The following ADCY2 variants were observed in gnomAD, a reference collection of about 807,000 sequenced individuals.
ADCY2 encodes adenylate cyclase type 2.
A neutral mutation model predicts 125.2 loss-of-function variants in ADCY2; 31 were observed. That is an observed-to-expected ratio of 0.25 (90% CI 0.19 to 0.33). The LOEUF (loss-of-function observed/expected upper bound fraction) is 0.33, where lower values mean the gene tolerates loss of function less well. Ranked by LOEUF, ADCY2 falls within the 10% of genes least tolerant of loss-of-function variation. The pLI, the probability that ADCY2 is intolerant of heterozygous loss-of-function variation, is 1.00. For synonymous variants in ADCY2, 512 were observed against 548.4 expected (o/e 0.93, Z 0.93); for missense variants, 904 against 1,418.2 (o/e 0.64, Z 5.82).
intron 3 of ADCY2, among the ~76,000 whole-genome samples, chr5:7,611,374 G>A (rs1737567446): frequency 6.6e-6 from 1 of 152,066 alleles, no homozygotes; most frequent in South Asian, 2.1e-4. Context: ...TTTTTACCTA[G>A]TGTGCCCACT....
chr5:7,663,361 G>A (rs1284161343), intron 4 of ADCY2, among the ~76,000 whole-genome samples: 1 of 152,252 alleles, frequency 6.6e-6, no homozygotes, highest in South Asian at 2.1e-4. Context: ...CACGCCTAGC[G>A]TGAGAGTCAC....
At chr5:7,720,306 A>G (rs957967006) in intron 12 of ADCY2, among the ~76,000 whole-genome samples, 2 of 152,198 alleles carry the variant, frequency 1.3e-5, no homozygotes, top group Admixed American at 1.3e-4. Context: ...CTTGTTTTCT[A>G]TAAGTCAAAA....
intron 4 of ADCY2, among the ~76,000 whole-genome samples, chr5:7,642,290 T>A (rs1461684459): frequency 6.6e-6 from 1 of 152,224 alleles, no homozygotes; most frequent in African/African-American, 2.4e-5. Flanking sequence ...TGAGCATTTT[T>A]AAAATATGTT....
chr5:7,463,890 A>G (rs185569393), intron 2 of ADCY2, among the ~76,000 whole-genome samples: 45 of 152,282 alleles, frequency 3.0e-4, no homozygotes, highest in African/African-American at 9.6e-4. Context: ...CTACAAAGAA[A>G]GCAATGGGGG....
chr5:7,829,554 A>G lies in ADCY2; in HGVS notation c.*2683A>G, dbSNP rs1745582270. Reference sequence around the variant, plus strand: ...GGTCCCAGTGCCATTGGCTTCAAGAAAAAAAAAAAATCTCTCCCCAATGCT... The same window carrying G: ...GGTCCCAGTGCCATTGGCTTCAAGAGAAAAAAAAAATCTCTCCCCAATGCT... On this transcript the variant is annotated 3_prime_UTR_variant, in exon 25 of 25. Coordinates refer to ENST00000338316, the MANE Select transcript of ADCY2 (RefSeq NM_020546.3). 4.3e-5 allele frequency: 1 copy of G among 23,384 alleles called. No homozygotes were observed. Among genetic ancestry groups the G allele is most frequent in the Admixed American group, 5.6e-4 (1 of 1,774 alleles). 1.4% of individuals were successfully genotyped at this position (23,384 alleles called of 1,614,324 possible).
chr5:7,593,804 GAAA>G (rs200781494), intron 3 of ADCY2, among the ~76,000 whole-genome samples: 2 of 148,062 alleles, frequency 1.4e-5, no homozygotes, highest in Non-Finnish European at 3.0e-5. Context: ...AGACAAACGT[GAAA>G]AAAAAAATAA....
intron 3 of ADCY2, among the ~76,000 whole-genome samples, chr5:7,588,559 G>T (rs980301218): frequency 1.3e-5 from 2 of 152,188 alleles, no homozygotes; most frequent in African/African-American, 4.8e-5. Context: ...TTCTGTAAAG[G>T]CCGAGACAAT....
intron 2 of ADCY2, among the ~76,000 whole-genome samples, chr5:7,501,995 C>T (rs974113275): frequency 6.6e-6 from 1 of 152,182 alleles, no homozygotes; most frequent in African/African-American, 2.4e-5. Flanking sequence ...AGACTTTCAA[C>T]ATGGCTGATC....
intron 3 of ADCY2, among the ~76,000 whole-genome samples, chr5:7,599,194 G>A (rs528544006): frequency 1.0e-3 from 152 of 152,168 alleles, no homozygotes; most frequent in Non-Finnish European, 2.0e-3. Context: ...ATTTGTACAG[G>A]GACAGCCCAA....
rs75467632 is a variant in ADCY2 at position 7,752,279 on chromosome 5, C to T, written c.1957-5170C>T. ...CAAGTAATTATTGCTCCGGCTTATT[C>T]CTGCCATTCAGAATGACGGTCCTCA... On this transcript the variant is annotated intron_variant, in intron 15 of 24. Coordinates refer to ENST00000338316, the MANE Select transcript of ADCY2 (RefSeq NM_020546.3). Among the ~76,000 whole-genome samples the T allele has an allele frequency of 7.8e-3, 1,181 of 152,302 alleles. 19 individuals are homozygous for T. The highest frequency in any genetic ancestry group is 0.026 in the African/African-American group (1,100 of 41,570).
intron 2 of ADCY2, among the ~76,000 whole-genome samples, chr5:7,434,993 T>C (rs1740742548): frequency 6.6e-6 from 1 of 152,240 alleles, no homozygotes; most frequent in South Asian, 2.1e-4. Context: ...CTAACCAAAA[T>C]ATCTTCTTTC....
intron 2 of ADCY2, among the ~76,000 whole-genome samples, chr5:7,415,024 G>C (rs1324600846): frequency 2.0e-5 from 3 of 151,732 alleles, no homozygotes; most frequent in African/African-American, 7.3e-5. Context: ...TATTTGTATA[G>C]ATGTGTATGT....
chr5:7,802,445 G>A lies in ADCY2; in HGVS notation c.2775+81G>A, dbSNP rs1341788954. Reference sequence around the variant, plus strand: ...GCACTTGAAGTTACTTCAGGATAGTGGCCTATCCCAAAAAAACTTGTCCTT... The same window carrying A: ...GCACTTGAAGTTACTTCAGGATAGTAGCCTATCCCAAAAAAACTTGTCCTT... On this transcript the variant is annotated intron_variant, in intron 21 of 24. Transcript: ENST00000338316. This position sits in a 1 kb window ranked among gnomAD's most constrained non-coding sequence, Gnocchi z 4.6. The A allele has an allele frequency of 6.8e-7, 1 of 1,475,418 alleles. No individual in the cohort carries two copies. Among genetic ancestry groups the A allele is most frequent in the African/African-American group, 1.4e-5 (1 of 70,756 alleles). 91.4% of individuals were successfully genotyped at this position (1,475,418 alleles called of 1,614,324 possible). A position where few individuals can be genotyped will look rare whatever the true frequency, so the allele number is the denominator to read the frequency against.
At chr5:7,690,597 G>T in intron 4 of ADCY2, 94 bp from the exon 5 acceptor site, 3 of 1,160,274 alleles carry the variant, frequency 2.6e-6, no homozygotes, top group Non-Finnish European at 3.4e-6. Context: ...TCCCAAACTG[G>T]CCTTCCTACA....
intron 4 of ADCY2, among the ~76,000 whole-genome samples, chr5:7,681,057 G>T (rs1341676339): frequency 6.6e-6 from 1 of 152,204 alleles, no homozygotes; most frequent in Non-Finnish European, 1.5e-5. Flanking sequence ...AGTTTGAGCT[G>T]CAGTCATTGA....
intron 22 of ADCY2, among the ~76,000 whole-genome samples, chr5:7,805,054 G>A (rs186250261): frequency 3.3e-5 from 5 of 152,148 alleles, no homozygotes; most frequent in East Asian, 3.9e-4. Context: ...GGTGGCTCAC[G>A]TCTGTAATCC....
chr5:7,521,818 T>G lies in ADCY2; in HGVS notation c.570+919T>G, dbSNP rs1206290908. 2.0e-5 allele frequency among the ~76,000 whole-genome samples: 3 copies of G among 152,196 alleles called. No individual in the cohort carries two copies. In the East Asian group the frequency reaches 5.8e-4, roughly 29 times the overall value. On this transcript the variant is annotated intron_variant, in intron 3 of 24. Transcript: ENST00000338316. The stretch of plus-strand genomic sequence containing the variant: ...AGTTGGAAAGCTTTCTGCGGATCAC[T>G]TTTTTCAATGCTCATCTCCTACTGC...
chr5:7,656,743 C>G (rs769023732), intron 4 of ADCY2, among the ~76,000 whole-genome samples: 1 of 152,116 alleles, frequency 6.6e-6, no homozygotes, highest in East Asian at 1.9e-4. Flanking sequence ...GGCAGATGTG[C>G]GATTGTAATC....
At chr5:7,441,358 G>A (rs1401124011) in intron 2 of ADCY2, among the ~76,000 whole-genome samples, 1 of 152,088 alleles carries the variant, frequency 6.6e-6, no homozygotes, top group Non-Finnish European at 1.5e-5. Context: ...GCCTTCGAGT[G>A]AAGATGCTTC....
Sources: gnomAD v4.1 joint callset for allele counts (sites outside exome capture counted in the v4.1 genomes callset) on GRCh38, gnomAD v4.1.1 for gene constraint, Gnocchi (gnomAD v3.1) non-coding constraint, MANE v1.5 for transcripts, NCBI Gene and HGNC (gene_info 2026-07-23, HGNC 2026-07-21) for gene names.